The following MAF variants were observed in gnomAD, a reference collection of about 807,000 sequenced individuals.
MAF encodes transcription factor Maf.
A neutral mutation model predicts 22.0 loss-of-function variants in MAF; 10 were observed. That is an observed-to-expected ratio of 0.45 (90% CI 0.28 to 0.77). The LOEUF (loss-of-function observed/expected upper bound fraction) is 0.77. MAF is among the 30% of genes least tolerant of loss of function. MAF has a pLI of 0.12. For synonymous variants in MAF, 337 were observed against 255.8 expected, an observed-to-expected ratio of 1.32 and a Z score of -3.03; for missense variants, 544 against 548.4, an observed-to-expected ratio of 0.99 and a Z score of 0.08.
the MAF span, among the ~76,000 whole-genome samples, chr16:79,558,306 G>A: frequency 6.6e-6 from 1 of 152,156 alleles, no homozygotes; most frequent in African/African-American, 2.4e-5. Context: ...AAGAAAGAAG[G>A]AAGGGAGGGA....
chr16:79,429,854 C>T, the MAF span, among the ~76,000 whole-genome samples: 1 of 152,200 alleles, frequency 6.6e-6, no homozygotes, highest in African/African-American at 2.4e-5. Flanking sequence ...TCCCTCCAGC[C>T]TAACCCCCCA....
the MAF span, among the ~76,000 whole-genome samples, chr16:79,252,735 C>G: frequency 6.6e-6 from 1 of 152,148 alleles, no homozygotes; most frequent in Non-Finnish European, 1.5e-5. Context: ...GGTGATCCGC[C>G]CGCCTCAGGC....
chr16:79,379,741 G>A, the MAF span, among the ~76,000 whole-genome samples: 1 of 152,252 alleles, frequency 6.6e-6, no homozygotes, highest in East Asian at 1.9e-4. Context: ...ATGCAAGGAA[G>A]GGCAGCCTTG....
At chr16:79,230,216 G>C in the MAF span, among the ~76,000 whole-genome samples, 6 of 152,202 alleles carry the variant, frequency 3.9e-5, no homozygotes, top group South Asian at 1.2e-3. Context: ...AGGACTGAAT[G>C]CTAGACGTGG....
chr16:79,258,999 T>A, the MAF span, among the ~76,000 whole-genome samples: 1 of 151,746 alleles, frequency 6.6e-6, no homozygotes, highest in Admixed American at 6.6e-5. Context: ...AGAAGGGAGA[T>A]CCCCCCCATC....
At chr16:79,515,874 T>C in the MAF span, 1 of 151,932 alleles carries the variant, frequency 6.6e-6, no homozygotes, top group South Asian at 2.1e-4. Context: ...CTCCATCATA[T>C]GGAGTCTGAG....
chr16:79,445,065 A>G, the MAF span, among the ~76,000 whole-genome samples: 5 of 151,998 alleles, frequency 3.3e-5, no homozygotes, highest in Admixed American at 6.6e-5. Flanking sequence ...ACGGAGTCTC[A>G]CTCTGTCGCC....
chr16:79,249,856 T>C, the MAF span, among the ~76,000 whole-genome samples: 1 of 152,160 alleles, frequency 6.6e-6, no homozygotes, highest in South Asian at 2.1e-4. Context: ...TATTTTATAT[T>C]CCTTGAGTCT....
chr16:79,317,913 T>TCAC, the MAF span, among the ~76,000 whole-genome samples: 120 of 144,556 alleles, frequency 8.3e-4, no homozygotes, highest in African/African-American at 3.0e-3. Context: ...CATTCATTCA[T>TCAC]TCACTCACTC....
the MAF span, among the ~76,000 whole-genome samples, chr16:79,563,506 CAA>C: frequency 0.033 from 4,628 of 138,412 alleles, 87 homozygotes; most frequent in Middle Eastern, 0.076. Flanking sequence ...GACTTGGCAC[CAA>C]AAAAAAAAAA....
At chr16:79,207,460 A>G in the MAF span, among the ~76,000 whole-genome samples, 2 of 152,238 alleles carry the variant, frequency 1.3e-5, no homozygotes, top group Non-Finnish European at 2.9e-5. Context: ...AGCCTAATCT[A>G]ACTTCCAGGG....
At chr16:79,226,330 G>A in the MAF span, among the ~76,000 whole-genome samples, 1 of 152,066 alleles carries the variant, frequency 6.6e-6, no homozygotes, top group Non-Finnish European at 1.5e-5. Flanking sequence ...GTTGAACATT[G>A]AGAACACACG....
the MAF span, among the ~76,000 whole-genome samples, chr16:79,412,830 G>A: frequency 3.9e-5 from 6 of 152,174 alleles, no homozygotes; most frequent in East Asian, 3.9e-4. Context: ...TCTGGGAGGC[G>A]GCACTAGAGA....
chr16:79,219,158 G>T, the MAF span, among the ~76,000 whole-genome samples: 1 of 152,138 alleles, frequency 6.6e-6, no homozygotes, highest in Non-Finnish European at 1.5e-5. Context: ...CGCAAATAGA[G>T]GCTCTCCATG....
At chr16:79,402,659 G>T in the MAF span, among the ~76,000 whole-genome samples, 2 of 152,238 alleles carry the variant, frequency 1.3e-5, no homozygotes, top group Non-Finnish European at 2.9e-5. Context: ...CAGGGGTGCG[G>T]TTGGATAAAG....
At chr16:79,424,914 G>A in the MAF span, among the ~76,000 whole-genome samples, 3 of 151,948 alleles carry the variant, frequency 2.0e-5, no homozygotes, top group Non-Finnish European at 4.4e-5. Flanking sequence ...GAATATAGAT[G>A]AACACAGGAG....
At chr16:79,578,596 C>T in the MAF span, among the ~76,000 whole-genome samples, 1 of 151,950 alleles carries the variant, frequency 6.6e-6, no homozygotes, top group South Asian at 2.1e-4. Context: ...AACTACAAGA[C>T]TCCCCCAATA....
the MAF span, among the ~76,000 whole-genome samples, chr16:79,442,443 C>T: frequency 5.3e-5 from 8 of 152,290 alleles, no homozygotes; most frequent in Admixed American, 5.2e-4. Context: ...CCAGTTGTGG[C>T]TCACTGCAGC....
At chr16:79,385,347 A>T in the MAF span, among the ~76,000 whole-genome samples, 1 of 152,226 alleles carries the variant, frequency 6.6e-6, no homozygotes, top group Non-Finnish European at 1.5e-5. Context: ...GCCACTTCTA[A>T]TATGAATTTT....
Sources: allele counts gnomAD v4.1 joint callset (sites outside exome capture counted in the v4.1 genomes callset), GRCh38; gene constraint gnomAD v4.1.1; transcripts MANE v1.5; gene names NCBI Gene and HGNC (gene_info 2026-07-23, HGNC 2026-07-21).